OR51B5: variants seen among roughly 807,000 people sequenced by gnomAD.
OR51B5 encodes olfactory receptor family 51 subfamily B member 5, also known as olfactory receptor 51B5.
For synonymous variants in OR51B5, 186 were observed against 144.8 expected, an observed-to-expected ratio of 1.28 and a Z score of -2.04; for missense variants, 456 against 374.6, an observed-to-expected ratio of 1.22 and a Z score of -1.79.
intron 1 of OR51B5, chr11:5,351,801 G>A (rs999950674): frequency 6.2e-7 from 1 of 1,614,066 alleles, no homozygotes; most frequent in African/African-American, 1.3e-5. Flanking sequence ...GCTTCTCTCA[G>A]GCCTATTTTA....
chr11:5,343,590 C>T (rs1848941930), upstream of OR51B5: 1 of 615,528 alleles, frequency 1.6e-6, no homozygotes, highest in African/African-American at 1.8e-5. Context: ...GTTCTACCTT[C>T]AAGGTATCAC....
chr11:5,366,641 G>A (rs1005736145), intron 1 of OR51B5, among the ~76,000 whole-genome samples: 2 of 150,808 alleles, frequency 1.3e-5, no homozygotes, highest in African/African-American at 4.9e-5. Context: ...GGTAGGGAGG[G>A]AGGAAGGAAG....
At chr11:5,483,721 C>T (rs1851460692) in intron 1 of OR51B5, among the ~76,000 whole-genome samples, 1 of 151,992 alleles carries the variant, frequency 6.6e-6, no homozygotes, top group African/African-American at 2.4e-5. Flanking sequence ...ATCTTTCCCT[C>T]AATAGATGGA....
chr11:5,477,073 T>C (rs188300918), intron 1 of OR51B5, among the ~76,000 whole-genome samples: 11 of 152,236 alleles, frequency 7.2e-5, no homozygotes, highest in Admixed American at 5.9e-4. Flanking sequence ...TTCATCATCA[T>C]AAATAAATAG....
intron 1 of OR51B5, chr11:5,362,610 G>A: frequency 1.5e-5 from 1 of 67,972 alleles, no homozygotes. Flanking sequence ...GCCTGCTGGG[G>A]CAAAATGGAG....
intron 1 of OR51B5, chr11:5,403,230 G>C (rs754544315): frequency 1.9e-5 from 9 of 471,384 alleles, no homozygotes; most frequent in Non-Finnish European, 3.1e-5. Flanking sequence ...TTTTGGGCTG[G>C]ATTCGTTGCT....
intron 1 of OR51B5, among the ~76,000 whole-genome samples, chr11:5,361,969 T>C (rs1395579278): frequency 2.0e-5 from 3 of 152,206 alleles, no homozygotes; most frequent in Admixed American, 6.5e-5. Flanking sequence ...GACAAGGGTA[T>C]AGACTAACAG....
Position 5,464,510 on chromosome 11 carries a change from C to G in OR51B5, n.84+41059G>C, listed in dbSNP as rs565917552. Among the ~76,000 whole-genome samples, 1,165 of 135,356 alleles carry G rather than the reference C, an allele frequency of 8.6e-3. 17 individuals are homozygous for G. The highest frequency in any genetic ancestry group is 0.036 in the Middle Eastern group (7 of 194). The allele number at this position is 135,356 out of a possible 152,430, so 88.8% of individuals were successfully genotyped here. ...GTCCATGTGATCTCATTGTTCAGTT[C>G]CCACCTATGAGTGAGAATATGTGGT... is the stretch of plus-strand genomic sequence containing the variant. On this transcript the variant is annotated intron_variant and non_coding_transcript_variant, in intron 1 of 4. Transcript: ENST00000415970.
At chr11:5,479,546 A>T (rs1189328817) in intron 1 of OR51B5, among the ~76,000 whole-genome samples, 128 of 150,880 alleles carry the variant, frequency 8.5e-4, no homozygotes, top group African/African-American at 2.8e-3. Flanking sequence ...TAAATGCTCC[A>T]ATTAAAAGAC....
chr11:5,407,371 T>G (rs984913238), intron 1 of OR51B5, among the ~76,000 whole-genome samples: 1 of 152,178 alleles, frequency 6.6e-6, no homozygotes. Flanking sequence ...TCTTCCTGAG[T>G]TTCAGCTGCC....
intron 1 of OR51B5, among the ~76,000 whole-genome samples, chr11:5,451,112 G>T (rs117012085): frequency 9.1e-4 from 139 of 152,298 alleles, no homozygotes; most frequent in Admixed American, 3.0e-3. Flanking sequence ...CATATCACAT[G>T]CGTTCAATAA....
chr11:5,455,584 A>AAAGAGAGAGGAGAGAGAGAAAGAG (rs1850942541), intron 1 of OR51B5: 1 of 150,426 alleles, frequency 6.6e-6, no homozygotes, highest in Admixed American at 6.6e-5. Flanking sequence ...AGAGAAAGAG[A>AAAGAGAGAGGAGAGAGAGAAAGAG]AAGAGAGAAA....
chr11:5,410,251 C>T (rs1413820876), intron 1 of OR51B5, among the ~76,000 whole-genome samples: 2 of 152,006 alleles, frequency 1.3e-5, no homozygotes, highest in African/African-American at 4.8e-5. Context: ...CAATAATACT[C>T]ATGTTGTATT....
intron 1 of OR51B5, among the ~76,000 whole-genome samples, chr11:5,397,366 A>C (rs1369727296): frequency 1.3e-5 from 2 of 150,242 alleles, no homozygotes; most frequent in East Asian, 2.0e-4. Context: ...AAGAGAAAAA[A>C]AACCCCATCA....
intron 1 of OR51B5, among the ~76,000 whole-genome samples, chr11:5,445,741 T>C (rs1431390393): frequency 2.6e-5 from 4 of 151,258 alleles, no homozygotes; most frequent in South Asian, 2.1e-4. Flanking sequence ...AGTATATGTC[T>C]GAAAGAAATC....
At chr11:5,468,659 T>A (rs995159382) in intron 1 of OR51B5, 2 of 456,368 alleles carry the variant, frequency 4.4e-6, no homozygotes, top group Non-Finnish European at 8.8e-6. Flanking sequence ...CATAGGCACA[T>A]AGAAGATCAG....
chr11:5,357,670 C>G (rs1405447281), intron 1 of OR51B5, among the ~76,000 whole-genome samples: 1 of 151,128 alleles, frequency 6.6e-6, no homozygotes, highest in Non-Finnish European at 1.5e-5. Flanking sequence ...CTCTCCACCC[C>G]AAATCAACAG....
rs550475907 is a variant in OR51B5, at chr11:5,505,244, T to C, written n.84+325A>G. ...AGGCAGATAAATGCAGTAACATTGC[T>C]ATTAGGTTTTTTGTTTTTTTCCTCA... On this transcript the variant is annotated intron_variant and non_coding_transcript_variant, in intron 1 of 4. Coordinates refer to the OR51B5 transcript ENST00000415970. 4.1e-5 allele frequency: 47 copies of C among 1,138,254 alleles called. No individual in the cohort carries two copies. In the African/African-American group the frequency reaches 6.3e-4, roughly 15 times the overall value. The allele number at this position is 1,138,254 out of a possible 1,614,324, so 70.5% of individuals were successfully genotyped here. A position where few individuals can be genotyped will look rare whatever the true frequency, so the allele number is the denominator to read the frequency against.
Position 5,471,451 on chromosome 11 carries a change from C to T in OR51B5, n.84+34118G>A, listed in dbSNP as rs184405611. On this transcript the variant is annotated intron_variant and non_coding_transcript_variant, in intron 1 of 4. Coordinates refer to the OR51B5 transcript ENST00000415970. ...AGGAGTTTGAGACCAGCCTGGACAA[C>T]ATGGTGAAACCCCGTCTCTACTAAA... 3.3e-3 allele frequency among the ~76,000 whole-genome samples: 507 copies of T among 152,168 alleles called. 4 individuals are homozygous for T. Among genetic ancestry groups the T allele is most frequent in the African/African-American group, 0.011 (457 of 41,506 alleles).
Sources: gnomAD v4.1 joint callset for allele counts (sites outside exome capture counted in the v4.1 genomes callset) on GRCh38, gnomAD v4.1.1 for gene constraint, MANE v1.5 for transcripts, NCBI Gene and HGNC (gene_info 2026-07-23, HGNC 2026-07-21) for gene names.